KLF8: variants seen among roughly 807,000 people sequenced by gnomAD.
KLF8 encodes Krueppel-like factor 8.
In KLF8, 10 loss-of-function variants were observed where a neutral mutation model predicts 18.2. The observed-to-expected ratio is 0.55, with a 90% CI of 0.34 to 0.93. KLF8 has a LOEUF of 0.93. KLF8 is among the 40% of genes least tolerant of loss of function. KLF8 has a pLI of 0.02. For missense variants in KLF8, 264 were observed against 277.9 expected (o/e 0.95, Z 0.36); for synonymous variants, 109 against 97.3 (o/e 1.12, Z -0.71).
At chrX:56,055,592 G>A in the KLF8 span, among the ~76,000 whole-genome samples, 1 of 111,542 alleles carries the variant, frequency 9.0e-6, no homozygotes, top group African/African-American at 3.3e-5. Flanking sequence ...TGCATTTTTT[G>A]AATTTGCGTT....
chrX:56,150,762 T>C, the KLF8 span, among the ~76,000 whole-genome samples: 4 of 111,613 alleles, frequency 3.6e-5, no homozygotes, highest in African/African-American at 1.3e-4. Context: ...CATCCAGAAT[T>C]GCAGTCATCT....
chrX:56,052,717 TTTTG>T, the KLF8 span, among the ~76,000 whole-genome samples: 4 of 111,868 alleles, frequency 3.6e-5, no homozygotes, highest in African/African-American at 1.3e-4. Flanking sequence ...ACTGCTGTCT[TTTTG>T]TTTGTCTGTG....
At chrX:56,197,001 T>A in the KLF8 span, among the ~76,000 whole-genome samples, 1 of 111,478 alleles carries the variant, frequency 9.0e-6, no homozygotes, top group African/African-American at 3.3e-5. Context: ...GACTACTGGG[T>A]AGTAACGAAA....
At chrX:55,950,373 C>A in the KLF8 span, among the ~76,000 whole-genome samples, 2 of 111,231 alleles carry the variant, frequency 1.8e-5, no homozygotes, top group East Asian at 5.6e-4. Flanking sequence ...GGGAAAGCAG[C>A]ATTATGTAGT....
At chrX:55,928,320 A>G in the KLF8 span, among the ~76,000 whole-genome samples, 1 of 111,115 alleles carries the variant, frequency 9.0e-6, no homozygotes, top group African/African-American at 3.3e-5. Flanking sequence ...TTTGGTTAAG[A>G]TTGTCTAGAT....
At chrX:56,171,543 C>T in the KLF8 span, among the ~76,000 whole-genome samples, 8 of 110,476 alleles carry the variant, frequency 7.2e-5, no homozygotes, top group South Asian at 1.2e-3. Flanking sequence ...CCACAACAGG[C>T]CCCGGTGTGT....
chrX:56,156,776 C>T, the KLF8 span, among the ~76,000 whole-genome samples: 1 of 95,228 alleles, frequency 1.1e-5, no homozygotes, highest in Non-Finnish European at 2.1e-5. Context: ...CCCATGTGTT[C>T]GTATTGTTCA....
the KLF8 span, among the ~76,000 whole-genome samples, chrX:56,148,181 A>G: frequency 8.9e-6 from 1 of 112,123 alleles, no homozygotes; most frequent in Non-Finnish European, 1.9e-5. Context: ...CACTTTTGGT[A>G]TTAATTGTTC....
chrX:56,148,466 C>G, the KLF8 span, among the ~76,000 whole-genome samples: 2 of 110,497 alleles, frequency 1.8e-5, no homozygotes, highest in South Asian at 7.6e-4. Context: ...AGAAATACAC[C>G]ATAACTATAC....
chrX:55,994,005 G>A, the KLF8 span, among the ~76,000 whole-genome samples: 202 of 107,756 alleles, frequency 1.9e-3, no homozygotes, highest in African/African-American at 6.7e-3. Flanking sequence ...CCGCCTCCCG[G>A]GTTCAAGAGA....
the KLF8 span, among the ~76,000 whole-genome samples, chrX:55,990,704 G>A: frequency 8.9e-6 from 1 of 112,272 alleles, no homozygotes; most frequent in Admixed American, 9.4e-5. Context: ...CTGTTTGTTA[G>A]TTTTCCTTCT....
At chrX:55,913,859 G>T in the KLF8 span, among the ~76,000 whole-genome samples, 1 of 111,918 alleles carries the variant, frequency 8.9e-6, no homozygotes, top group South Asian at 3.7e-4. Flanking sequence ...GAGTTTAAGA[G>T]AACTTTTTCT....
At chrX:55,963,645 G>C in the KLF8 span, among the ~76,000 whole-genome samples, 2 of 112,049 alleles carry the variant, frequency 1.8e-5, no homozygotes, top group Non-Finnish European at 3.8e-5. Context: ...CACATATGAA[G>C]AGATCAAGAT....
At chrX:56,136,599 C>T in the KLF8 span, among the ~76,000 whole-genome samples, 1 of 111,132 alleles carries the variant, frequency 9.0e-6, no homozygotes, top group Non-Finnish European at 1.9e-5. Flanking sequence ...ATACAAAAAT[C>T]AATTCAAGAT....
upstream of KLF8, among the ~76,000 whole-genome samples, chrX:56,231,396 C>T (rs2066400815): frequency 8.9e-6 from 1 of 111,966 alleles, no homozygotes; most frequent in Admixed American, 9.5e-5. Flanking sequence ...GAGAATATAA[C>T]AGTACCTAGT....
the KLF8 span, among the ~76,000 whole-genome samples, chrX:55,914,042 T>C: frequency 8.9e-6 from 1 of 111,903 alleles, no homozygotes; most frequent in African/African-American, 3.2e-5. Flanking sequence ...AACTTAGGAA[T>C]AACTCTCTGA....
At chrX:55,961,434 G>C in the KLF8 span, 2 of 536,415 alleles carry the variant, frequency 3.7e-6, no homozygotes, top group Non-Finnish European at 6.9e-6. Context: ...CTTACATGCT[G>C]CTTAATGTCA....
At chrX:56,265,884 T>TA (rs745341834) in intron 3 of KLF8, 140 bp downstream of exon 3, 1 of 1,063,231 alleles carries the variant, frequency 9.4e-7, no homozygotes, top group Non-Finnish European at 1.2e-6. Flanking sequence ...TACTGTTTTT[T>TA]ATGTCTTTTT....
chrX:56,139,115 A>G, the KLF8 span, among the ~76,000 whole-genome samples: 9 of 111,868 alleles, frequency 8.0e-5, no homozygotes, highest in Non-Finnish European at 1.7e-4. Flanking sequence ...GAAATTTTGT[A>G]CAAAGAAAAT....
Sources: allele counts gnomAD v4.1 joint callset (sites outside exome capture counted in the v4.1 genomes callset), GRCh38; gene constraint gnomAD v4.1.1; transcripts MANE v1.5; gene names NCBI Gene and HGNC (gene_info 2026-07-23, HGNC 2026-07-21).